Variants in ARHGEF10L observed in about 807,000 individuals in gnomAD.
ARHGEF10L encodes Rho guanine nucleotide exchange factor 10 like, also known as rho guanine nucleotide exchange factor 10-like protein.
Under a neutral mutation model 141.2 loss-of-function variants are expected in ARHGEF10L, and 69 were observed. The ratio of observed to expected loss-of-function variants is 0.49; its 90% CI spans 0.40 to 0.60. The LOEUF is 0.60. ARHGEF10L is among the 20% of genes least tolerant of loss of function. The pLI is 0.00. For missense variants in ARHGEF10L, 1,482 were observed against 1,734.3 expected (o/e 0.85, Z 2.58); for synonymous variants, 711 against 718.5 (o/e 0.99, Z 0.17).
rs1326987068 is a variant in ARHGEF10L, at chr1:17,654,335, G to A, written c.2395-301G>A. ...CCTCATTTCCCTGTTTGTAAAATAA[G>A]GAGGGGTGGGTGGCTTTCAAGAAAT... On this transcript the variant is annotated intron_variant, in intron 22 of 28. Coordinates refer to ENST00000361221, the MANE Select transcript of ARHGEF10L (RefSeq NM_018125.4). The surrounding 1 kb of genome is among the most constrained non-coding windows in gnomAD (Gnocchi z 4.3). 6.6e-6 allele frequency among the ~76,000 whole-genome samples: 1 copy of A among 152,210 alleles called. No individual in the cohort carries two copies. The highest frequency in any genetic ancestry group is 1.5e-5 in the Non-Finnish European group (1 of 68,042).
chr1:17,635,097 G>A, intron 18 of ARHGEF10L, 81 bp downstream of exon 18: 2 of 1,557,124 alleles, frequency 1.3e-6, no homozygotes, highest in South Asian at 2.3e-5. Flanking sequence ...ACCCAGGCTT[G>A]GCCCTGTCTT....
At chr1:17,550,599 T>C (rs1158883902) in intron 1 of ARHGEF10L, among the ~76,000 whole-genome samples, 2 of 149,412 alleles carry the variant, frequency 1.3e-5, no homozygotes, top group Non-Finnish European at 3.0e-5. Flanking sequence ...GCTGAGACTG[T>C]GCCATTGCAG....
intron 1 of ARHGEF10L, among the ~76,000 whole-genome samples, chr1:17,547,266 A>G (rs1398018130): frequency 6.6e-6 from 1 of 152,218 alleles, no homozygotes; most frequent in African/African-American, 2.4e-5. Flanking sequence ...ACCAGGCCCC[A>G]ACACCACCTT....
Position 17,612,935 on chromosome 1 carries a change from C to T in ARHGEF10L, c.610-123C>T, listed in dbSNP as rs142803553. 1,139 of 676,748 alleles carry T rather than the reference C, an allele frequency of 1.7e-3. 1 individual carries two copies. Among genetic ancestry groups the T allele is most frequent in the Non-Finnish European group, 2.3e-3 (880 of 383,506 alleles). 41.9% of individuals were successfully genotyped at this position (676,748 alleles called of 1,614,324 possible). A position where few individuals can be genotyped will look rare whatever the true frequency, so the allele number is the denominator to read the frequency against. ...CCTGGGGTGCCGCATCCCGCCTGCC[C>T]GAGCTGTCCGTCCGCACTTTACCTG... On this transcript the variant is annotated intron_variant, in intron 7 of 28. Transcript: ENST00000361221.
chr1:17,616,037 C>T (rs748927012), intron 8 of ARHGEF10L, 57 bp from the exon 9 acceptor site: 59 of 1,496,098 alleles, frequency 3.9e-5, no homozygotes, highest in Non-Finnish European at 4.8e-5. Flanking sequence ...GGGTGGCCCT[C>T]GGTAGCAGGC....
At chr1:17,667,762 C>T (rs2063076404) in intron 26 of ARHGEF10L, among the ~76,000 whole-genome samples, 1 of 152,154 alleles carries the variant, frequency 6.6e-6, no homozygotes, top group South Asian at 2.1e-4. Flanking sequence ...ACAGAGCTGC[C>T]CCTGTGAGCT....
At chr1:17,666,785 C>T (rs2063003794) in intron 26 of ARHGEF10L, among the ~76,000 whole-genome samples, 1 of 149,588 alleles carries the variant, frequency 6.7e-6, no homozygotes, top group Admixed American at 6.6e-5. Context: ...GGGCTTCCTG[C>T]TCTACCCCAA....
intron 1 of ARHGEF10L, among the ~76,000 whole-genome samples, chr1:17,545,775 A>G (rs1304125695): frequency 6.6e-6 from 1 of 152,180 alleles, no homozygotes; most frequent in Non-Finnish European, 1.5e-5. Context: ...CTCTGGTTGG[A>G]AGATGGACAT....
chr1:17,612,910 C>A (rs181145678), intron 7 of ARHGEF10L, 148 bp from the exon 8 acceptor site: 9,426 of 635,858 alleles, frequency 0.015, 109 homozygotes, highest in South Asian at 0.029. Flanking sequence ...CTGCCTGGGA[C>A]CTGGGGTGCC....
Position 17,558,188 on chromosome 1 carries a change from C to CCCATCCAT in ARHGEF10L, c.-44+18257_-44+18264dup, listed in dbSNP as rs765339083. ...ATCTATGCATCCATCCATCCATCCA[C>CCCATCCAT]CCATCCATCCATCCATCCATCCATC... On this transcript the variant is annotated intron_variant, in intron 1 of 28. Coordinates refer to ENST00000361221, the MANE Select transcript of ARHGEF10L (RefSeq NM_018125.4). The surrounding 1 kb of genome is among the most constrained non-coding windows in gnomAD (Gnocchi z 4.2). Among the ~76,000 whole-genome samples, 166 of 151,658 alleles carry CCCATCCAT rather than the reference C, an allele frequency of 1.1e-3. 1 individual carries two copies. The highest frequency in any genetic ancestry group is 3.7e-3 in the African/African-American group (153 of 41,348).
chr1:17,581,125 G>A (rs2078509757), intron 2 of ARHGEF10L, among the ~76,000 whole-genome samples: 4 of 152,016 alleles, frequency 2.6e-5, no homozygotes, highest in Non-Finnish European at 5.9e-5. Flanking sequence ...GACCAGCCTG[G>A]CCAACATGGT....
upstream of ARHGEF10L, among the ~76,000 whole-genome samples, chr1:17,537,930 A>T (rs537296451): frequency 1.3e-5 from 2 of 151,936 alleles, no homozygotes; most frequent in African/African-American, 4.8e-5. Context: ...TATAGGCACT[A>T]CAGGCACCAC....
chr1:17,619,597 A>G lies in ARHGEF10L; in HGVS notation c.942+152A>G. 2 of 627,124 alleles carry G rather than the reference A, an allele frequency of 3.2e-6. No homozygotes were observed. Among genetic ancestry groups the G allele is most frequent in the Non-Finnish European group, 5.5e-6 (2 of 366,558 alleles). 38.8% of individuals were successfully genotyped at this position (627,124 alleles called of 1,614,324 possible). Reference sequence around the variant, plus strand: ...GAGCCCAGCTGGATAGGGGCCTCCTAGGTTCTCTCCTCAGCTATTGAACAG... The same window carrying G: ...GAGCCCAGCTGGATAGGGGCCTCCTGGGTTCTCTCCTCAGCTATTGAACAG... On this transcript the variant is annotated intron_variant, in intron 10 of 28. Transcript: ENST00000361221. This position sits in a 1 kb window ranked among gnomAD's most constrained non-coding sequence, Gnocchi z 5.0.
rs1303814060 is a variant in ARHGEF10L at position 17,616,187 on chromosome 1, A to C, written c.820A>C (p.Arg274=). The change falls in exon 9 of 29, where the codon AGG becomes CGG. Residue 274 remains arginine, a synonymous_variant. Coordinates refer to ENST00000361221, the MANE Select transcript of ARHGEF10L (RefSeq NM_018125.4). The part of the protein sequence containing the change: ...AVMRKVSFLH[R]KDVLGDSEEE... Reference sequence around the variant, plus strand: ...GATGCGCAAAGTCTCCTTCCTGCACAGGAAGGACGTCCTCGGTGAGGCGCT... The same window carrying C: ...GATGCGCAAAGTCTCCTTCCTGCACCGGAAGGACGTCCTCGGTGAGGCGCT... 1.9e-6 allele frequency: 3 copies of C among 1,580,076 alleles called. No homozygotes were observed. Among genetic ancestry groups the C allele is most frequent in the Non-Finnish European group, 2.6e-6 (3 of 1,158,188 alleles).
intron 1 of ARHGEF10L, among the ~76,000 whole-genome samples, chr1:17,551,599 T>C (rs551300907): frequency 1.3e-5 from 2 of 152,252 alleles, no homozygotes; most frequent in East Asian, 3.9e-4. Context: ...TAGAACTTTT[T>C]GTTTGGGGTA....
In ARHGEF10L at chr1:17,642,375, G is replaced by A. The variant is rs951594148; in HGVS notation, c.2272+2073G>A. Among the ~76,000 whole-genome samples the A allele has an allele frequency of 2.6e-5, 4 of 152,260 alleles. No homozygotes were observed. The East Asian group carries it at 7.7e-4, about 29-fold the overall frequency. ...GCCAGCACTGGCAGATGAAGGGGAG[G>A]GAGGTAGGTGGGTGTGTTGCGGGCA... On this transcript the variant is annotated intron_variant, in intron 21 of 28. Coordinates refer to ENST00000361221, the MANE Select transcript of ARHGEF10L (RefSeq NM_018125.4).
At chr1:17,595,536 C>A (rs892729459) in intron 4 of ARHGEF10L, among the ~76,000 whole-genome samples, 1 of 152,294 alleles carries the variant, frequency 6.6e-6, no homozygotes, top group South Asian at 2.1e-4. Flanking sequence ...ACCTGAGGGC[C>A]GCTCTGAGAC....
chr1:17,526,768 G>C, the ARHGEF10L span, among the ~76,000 whole-genome samples: 1 of 152,142 alleles, frequency 6.6e-6, no homozygotes, highest in African/African-American at 2.4e-5. Flanking sequence ...AGTCAGACAT[G>C]GTGGTGTATG....
chr1:17,663,973 T>G (rs914862593), intron 25 of ARHGEF10L, among the ~76,000 whole-genome samples: 2 of 152,186 alleles, frequency 1.3e-5, no homozygotes, highest in African/African-American at 4.8e-5. Context: ...TCAAGGCCCT[T>G]GTGCACACCT....
Sources: gnomAD v4.1 joint callset for allele counts (sites outside exome capture counted in the v4.1 genomes callset) on GRCh38, gnomAD v4.1.1 for gene constraint, Gnocchi (gnomAD v3.1) non-coding constraint, MANE v1.5 for transcripts, NCBI Gene and HGNC (gene_info 2026-07-23, HGNC 2026-07-21) for gene names.